Variants in SCHIP1 observed in about 807,000 individuals in gnomAD.
SCHIP1 encodes the protein schwannomin interacting protein 1, also known as schwannomin-interacting protein 1.
A neutral mutation model predicts 29.7 loss-of-function variants in SCHIP1; 8 were observed. That is an observed-to-expected ratio of 0.27 (90% CI 0.16 to 0.49). The LOEUF is 0.49. Ranked by LOEUF, SCHIP1 falls within the 20% of genes least tolerant of loss-of-function variation. The probability of loss-of-function intolerance (pLI) is 0.99; values close to 1 mark genes in which losing one functional copy is unlikely to be tolerated. For synonymous variants in SCHIP1, 76 were observed against 94.9 expected (o/e 0.80, Z 1.16); for missense variants, 193 against 294.6 (o/e 0.66, Z 2.52).
At chr3:159,286,647 A>G in the SCHIP1 span, among the ~76,000 whole-genome samples, 1 of 152,178 alleles carries the variant, frequency 6.6e-6, no homozygotes, top group African/African-American at 2.4e-5. Context: ...AGAAATGGCC[A>G]AACTGCTTTC....
the SCHIP1 span, among the ~76,000 whole-genome samples, chr3:159,787,410 T>G: frequency 6.6e-6 from 1 of 152,202 alleles, no homozygotes. Context: ...GTTCTTTCTC[T>G]GGACACTAGA....
the SCHIP1 span, among the ~76,000 whole-genome samples, chr3:159,595,752 G>A: frequency 6.6e-6 from 1 of 152,140 alleles, no homozygotes; most frequent in African/African-American, 2.4e-5. Context: ...TAGTAAGGTT[G>A]GCATCTACCA....
the SCHIP1 span, among the ~76,000 whole-genome samples, chr3:159,395,069 T>A: frequency 6.6e-6 from 1 of 152,254 alleles, no homozygotes; most frequent in Non-Finnish European, 1.5e-5. Context: ...GAGGAATTTA[T>A]CCATTTCTTG....
chr3:159,552,149 C>G, the SCHIP1 span, among the ~76,000 whole-genome samples: 1 of 151,118 alleles, frequency 6.6e-6, no homozygotes, highest in African/African-American at 2.4e-5. Flanking sequence ...AGAGATTCTC[C>G]TGCCTCAGCC....
chr3:159,656,070 G>A, the SCHIP1 span, among the ~76,000 whole-genome samples: 1 of 152,260 alleles, frequency 6.6e-6, no homozygotes, highest in East Asian at 1.9e-4. Flanking sequence ...GGCTGTTCAG[G>A]GAAGAACAGA....
At chr3:159,819,792 C>T in the SCHIP1 span, among the ~76,000 whole-genome samples, 1 of 152,204 alleles carries the variant, frequency 6.6e-6, no homozygotes, top group Non-Finnish European at 1.5e-5. Flanking sequence ...ATTCTTTGTA[C>T]TGCAGGCCAG....
chr3:159,505,741 G>T, the SCHIP1 span, among the ~76,000 whole-genome samples: 1 of 152,072 alleles, frequency 6.6e-6, no homozygotes, highest in Non-Finnish European at 1.5e-5. Context: ...TAGTCCTTGC[G>T]ATAGTTTGCT....
At chr3:159,772,319 A>G in the SCHIP1 span, among the ~76,000 whole-genome samples, 1 of 152,052 alleles carries the variant, frequency 6.6e-6, no homozygotes, top group Non-Finnish European at 1.5e-5. Context: ...ATGCCCAACT[A>G]ACTTTTTAGG....
At chr3:159,413,201 T>C in the SCHIP1 span, among the ~76,000 whole-genome samples, 1 of 152,098 alleles carries the variant, frequency 6.6e-6, no homozygotes, top group Admixed American at 6.6e-5. Flanking sequence ...CCTTGATACA[T>C]GTGGATTATT....
the SCHIP1 span, among the ~76,000 whole-genome samples, chr3:159,548,048 T>G: frequency 6.6e-6 from 1 of 152,192 alleles, no homozygotes; most frequent in African/African-American, 2.4e-5. Context: ...TATATCATTA[T>G]CCCTTTTATA....
Position 159,886,202 on chromosome 3 carries a change from C to T in SCHIP1, c.150-5C>T. On this transcript the variant is annotated splice_polypyrimidine_tract_variant and splice_region_variant and intron_variant, in intron 2 of 6. Transcript: ENST00000445224. ...AGAACTAGTGTCCTGTTTGTTTCTG[C>T]CCAGACTGCAGAGTGGGATGAACTT... The T allele has an allele frequency of 6.2e-7, 1 of 1,613,986 alleles. No homozygotes were observed. The highest frequency in any genetic ancestry group is 8.5e-7 in the Non-Finnish European group (1 of 1,179,894).
At chr3:159,283,073 A>G in the SCHIP1 span, among the ~76,000 whole-genome samples, 2 of 151,992 alleles carry the variant, frequency 1.3e-5, no homozygotes, top group Admixed American at 1.3e-4. Context: ...TAGATAAATA[A>G]ATATTGATAA....
the SCHIP1 span, among the ~76,000 whole-genome samples, chr3:159,758,108 C>T: frequency 2.0e-5 from 3 of 152,116 alleles, no homozygotes; most frequent in Non-Finnish European, 2.9e-5. Flanking sequence ...TCAATTTATT[C>T]TCTTCAATGA....
At chr3:159,720,444 TCTC>T in the SCHIP1 span, among the ~76,000 whole-genome samples, 1 of 152,038 alleles carries the variant, frequency 6.6e-6, no homozygotes, top group Non-Finnish European at 1.5e-5. Context: ...ATCTTGCCCT[TCTC>T]AGTAAATATT....
the SCHIP1 span, among the ~76,000 whole-genome samples, chr3:159,830,709 T>G: frequency 2.0e-5 from 3 of 152,208 alleles, no homozygotes; most frequent in Non-Finnish European, 4.4e-5. Flanking sequence ...GTTCCACATC[T>G]ATAGTGTGGG....
chr3:159,648,279 T>C, the SCHIP1 span, among the ~76,000 whole-genome samples: 3 of 152,128 alleles, frequency 2.0e-5, no homozygotes, highest in African/African-American at 7.2e-5. Context: ...CACATCTGCC[T>C]GACATTCAGG....
At chr3:159,401,091 C>T in the SCHIP1 span, 1 of 630,230 alleles carries the variant, frequency 1.6e-6, no homozygotes, top group Middle Eastern at 8.0e-4. Context: ...ATAGCACATC[C>T]TACAGGATTT....
chr3:159,852,977 G>C (rs1000064249), intron 1 of SCHIP1: 1 of 159,962 alleles, frequency 6.3e-6, no homozygotes, highest in Non-Finnish European at 1.4e-5. Context: ...GTCCACACTC[G>C]GCCCTGAACG....
intron 1 of SCHIP1, among the ~76,000 whole-genome samples, chr3:159,855,004 G>A (rs1713176960): frequency 6.6e-6 from 1 of 152,154 alleles, no homozygotes; most frequent in Non-Finnish European, 1.5e-5. Flanking sequence ...AAACAGAATT[G>A]CACTGTGTAA....
Sources: allele counts gnomAD v4.1 joint callset (sites outside exome capture counted in the v4.1 genomes callset), GRCh38; gene constraint gnomAD v4.1.1; transcripts MANE v1.5; gene names NCBI Gene and HGNC (gene_info 2026-07-23, HGNC 2026-07-21).